Variants in SLC25A26 observed in about 807,000 individuals in gnomAD.
SLC25A26 encodes mitochondrial S-adenosylmethionine carrier protein.
Under a neutral mutation model 37.8 loss-of-function variants are expected in SLC25A26, and 36 were observed. That is an observed-to-expected ratio of 0.95 (90% CI 0.73 to 1.26). SLC25A26 has a LOEUF of 1.26. Among genes scored for constraint, SLC25A26 ranks in the 50% most tolerant of loss-of-function variants. The pLI, the probability that SLC25A26 is intolerant of heterozygous loss-of-function variation, is 0.00. For missense variants in SLC25A26, 390 were observed against 331.1 expected (o/e 1.18, Z -1.38); for synonymous variants, 129 against 122.5 (o/e 1.05, Z -0.35).
chr3:66,264,056 G>C (rs1294204291), intron 5 of SLC25A26, among the ~76,000 whole-genome samples: 1 of 152,116 alleles, frequency 6.6e-6, no homozygotes, highest in Non-Finnish European at 1.5e-5. Context: ...GAGGCAGAAA[G>C]ATCACCTGAG....
intron 5 of SLC25A26, among the ~76,000 whole-genome samples, chr3:66,318,231 C>G (rs577447109): frequency 2.0e-5 from 3 of 152,256 alleles, no homozygotes; most frequent in Admixed American, 1.3e-4. Flanking sequence ...AGTGTCTGCT[C>G]GAGACACCAC....
chr3:66,280,474 A>G (rs2074299222), intron 5 of SLC25A26, among the ~76,000 whole-genome samples: 1 of 152,178 alleles, frequency 6.6e-6, no homozygotes, highest in Admixed American at 6.5e-5. Flanking sequence ...TCTCTGTTTA[A>G]TACCAGTGAG....
intron 5 of SLC25A26, among the ~76,000 whole-genome samples, chr3:66,345,380 TG>T (rs1182644726): frequency 2.0e-5 from 3 of 151,992 alleles, no homozygotes; most frequent in African/African-American, 7.2e-5. Context: ...CTTTCTTCCT[TG>T]CCTCTTTTTT....
chr3:66,312,964 CCTGTTTGTTT>C (rs1257064272), intron 5 of SLC25A26, among the ~76,000 whole-genome samples: 1 of 151,988 alleles, frequency 6.6e-6, no homozygotes, highest in African/African-American at 2.4e-5. Context: ...GCCAGATCCC[CCTGTTTGTTT>C]GTTTGTTTGT....
chr3:66,266,911 G>A (rs904670399), intron 5 of SLC25A26, among the ~76,000 whole-genome samples: 1 of 152,132 alleles, frequency 6.6e-6, no homozygotes, highest in African/African-American at 2.4e-5. Context: ...GAATTAGAAG[G>A]ACTTTTTATA....
chr3:66,353,357 G>C (rs1177605661), intron 6 of SLC25A26, among the ~76,000 whole-genome samples: 1 of 152,156 alleles, frequency 6.6e-6, no homozygotes, highest in Non-Finnish European at 1.5e-5. Context: ...TGTGAAGTAG[G>C]TGCTGGCCTG....
intron 1 of SLC25A26, 106 bp downstream of exon 1, chr3:66,221,233 G>A: frequency 8.1e-7 from 1 of 1,241,134 alleles, no homozygotes; most frequent in Non-Finnish European, 1.1e-6. Flanking sequence ...GGGCTGGACT[G>A]TCCTCGGGTT....
intron 1 of SLC25A26, among the ~76,000 whole-genome samples, chr3:66,222,033 A>G (rs188514650): frequency 1.3e-5 from 2 of 152,150 alleles, no homozygotes; most frequent in African/African-American, 4.8e-5. Flanking sequence ...CTGTTGGGAT[A>G]AATAACAGGT....
intron 5 of SLC25A26, 142 bp from the exon 6 acceptor site, chr3:66,346,222 C>T: frequency 2.2e-6 from 1 of 461,870 alleles, no homozygotes. Flanking sequence ...TTTTTCTAAA[C>T]ATTATGTCTA....
chr3:66,260,496 G>A (rs2073482728), intron 3 of SLC25A26, among the ~76,000 whole-genome samples: 1 of 152,112 alleles, frequency 6.6e-6, no homozygotes, highest in African/African-American at 2.4e-5. Flanking sequence ...ATAACTTCAG[G>A]TTATGAATCC....
At chr3:66,153,430 G>A (rs2070234648) in intron 1 of SLC25A26, among the ~76,000 whole-genome samples, 1 of 152,200 alleles carries the variant, frequency 6.6e-6, no homozygotes, top group Non-Finnish European at 1.5e-5. Flanking sequence ...AGGAGTGCCT[G>A]TTTAAAACGA....
intron 9 of SLC25A26, among the ~76,000 whole-genome samples, chr3:66,375,817 A>G (rs13071458): frequency 6.6e-6 from 1 of 151,546 alleles, no homozygotes; most frequent in African/African-American, 2.4e-5. Flanking sequence ...CTGTGGATCA[A>G]GGAGTTACTT....
chr3:66,269,966 G>T (rs190090216), intron 5 of SLC25A26, among the ~76,000 whole-genome samples: 1 of 152,266 alleles, frequency 6.6e-6, no homozygotes, highest in East Asian at 1.9e-4. Flanking sequence ...CTTCTACACA[G>T]TGAGCACTCA....
intron 1 of SLC25A26, among the ~76,000 whole-genome samples, chr3:66,179,262 C>T (rs2070649273): frequency 6.6e-6 from 1 of 152,144 alleles, no homozygotes; most frequent in African/African-American, 2.4e-5. Flanking sequence ...TAGCATCAAG[C>T]TCCAAGCAAA....
At chr3:66,348,892 G>A (rs987096489) in intron 6 of SLC25A26, among the ~76,000 whole-genome samples, 4 of 152,154 alleles carry the variant, frequency 2.6e-5, no homozygotes, top group Admixed American at 6.5e-5. Context: ...AGAAGGTCAC[G>A]TTCCATTAGT....
chr3:66,214,076 C>T (rs993889463), intron 1 of SLC25A26, among the ~76,000 whole-genome samples: 60 of 152,252 alleles, frequency 3.9e-4, no homozygotes, highest in African/African-American at 1.4e-3. Context: ...TTCCCAATCT[C>T]ATGTTGAAAT....
chr3:66,331,176 GA>G (rs2075965485), intron 5 of SLC25A26, among the ~76,000 whole-genome samples: 1 of 152,014 alleles, frequency 6.6e-6, no homozygotes, highest in Non-Finnish European at 1.5e-5. Context: ...ATGAGAGTAA[GA>G]AAAGTTTTTT....
intron 1 of SLC25A26, among the ~76,000 whole-genome samples, chr3:66,171,046 G>T (rs896808253): frequency 1.3e-5 from 2 of 151,448 alleles, no homozygotes; most frequent in East Asian, 1.9e-4. Context: ...CTCGTGATCC[G>T]CCCGCCTCGG....
chr3:66,312,908 C>T (rs969186106), intron 5 of SLC25A26, among the ~76,000 whole-genome samples: 2 of 152,122 alleles, frequency 1.3e-5, no homozygotes, highest in African/African-American at 4.8e-5. Flanking sequence ...TCTGTTATGG[C>T]CTTGCTGGGA....
Sources: allele counts gnomAD v4.1 joint callset (sites outside exome capture counted in the v4.1 genomes callset), GRCh38; gene constraint gnomAD v4.1.1; transcripts MANE v1.5; gene names NCBI Gene and HGNC (gene_info 2026-07-23, HGNC 2026-07-21).